Variants in RAMP3 observed in about 807,000 individuals in gnomAD.
The protein encoded by RAMP3 is receptor activity modifying protein 3.
Under a neutral mutation model 13.5 loss-of-function variants are expected in RAMP3, and 14 were observed. That is an observed-to-expected ratio of 1.04 (90% CI 0.69 to 1.63). RAMP3 has a LOEUF of 1.63. Ranked by LOEUF, RAMP3 falls within the 40% of genes most tolerant of loss-of-function variation. The pLI is 0.00. For missense variants in RAMP3, 200 were observed against 204.8 expected (o/e 0.98, Z 0.14); for synonymous variants, 106 against 88.3 (o/e 1.20, Z -1.12).
intron 1 of RAMP3, among the ~76,000 whole-genome samples, chr7:45,176,442 T>TGC (rs35652632): frequency 0.057 from 8,547 of 150,092 alleles, 320 homozygotes; most frequent in East Asian, 0.1. Context: ...GGGCTGTGCG[T>TGC]GCACACACAC....
intron 2 of RAMP3, among the ~76,000 whole-genome samples, chr7:45,181,536 T>G (rs1200517745): frequency 6.6e-6 from 1 of 152,188 alleles, no homozygotes; most frequent in East Asian, 1.9e-4. Context: ...GGAATGACTT[T>G]GGAGGCACAG....
rs1427810664 is a variant in RAMP3 at position 45,177,215 on chromosome 7, A to C, written c.59-94A>C. ...TCAGGCTTGCAAACGGAGCCTTGCT[A>C]GTGAGTACTCAAGTTATGGCCCCTT... On this transcript the variant is annotated intron_variant, in intron 1 of 2. Transcript: ENST00000242249. 8.6e-6 allele frequency: 13 copies of C among 1,510,776 alleles called. No individual in the cohort carries two copies. In the East Asian group the frequency reaches 2.7e-4, roughly 32 times the overall value. The allele number at this position is 1,510,776 out of a possible 1,614,324, so 93.6% of individuals were successfully genotyped here. A position where few individuals can be genotyped will look rare whatever the true frequency, so the allele number is the denominator to read the frequency against.
intron 1 of RAMP3, among the ~76,000 whole-genome samples, chr7:45,160,301 C>T (rs3779394): frequency 1.7e-5 from 2 of 119,402 alleles, no homozygotes; most frequent in East Asian, 2.4e-4. Flanking sequence ...TATTGCACTC[C>T]AGCCTGGTGA....
At chr7:45,163,357 A>G in intron 1 of RAMP3, 1 of 985,428 alleles carries the variant, frequency 1.0e-6, no homozygotes, top group Non-Finnish European at 1.2e-6. Context: ...GTCTCTTATT[A>G]CTTTTTGGTT....
chr7:45,170,584 G>T (rs1437251792), intron 1 of RAMP3, among the ~76,000 whole-genome samples: 2 of 151,850 alleles, frequency 1.3e-5, no homozygotes, highest in African/African-American at 2.4e-5. Flanking sequence ...TGATCTGCTC[G>T]CCTCGGCCTT....
chr7:45,174,213 C>G (rs1031375292), intron 1 of RAMP3, among the ~76,000 whole-genome samples: 1 of 152,126 alleles, frequency 6.6e-6, no homozygotes, highest in African/African-American at 2.4e-5. Flanking sequence ...GACACTTAAC[C>G]TTTCTGGGCA....
At chr7:45,158,654 G>T (rs369388003) in intron 1 of RAMP3, among the ~76,000 whole-genome samples, 8 of 141,578 alleles carry the variant, frequency 5.7e-5, no homozygotes, top group African/African-American at 2.3e-4. Flanking sequence ...TGGTGACTGA[G>T]CCTGGCCAGT....
chr7:45,163,467 G>A (rs1489067076), intron 1 of RAMP3: 3 of 985,296 alleles, frequency 3.0e-6, no homozygotes, highest in Admixed American at 6.1e-5. Flanking sequence ...CCAGGAAGGA[G>A]GCTGTGGTAA....
At chr7:45,182,396 C>T (rs1193768570) in intron 2 of RAMP3, among the ~76,000 whole-genome samples, 1 of 152,126 alleles carries the variant, frequency 6.6e-6, no homozygotes, top group African/African-American at 2.4e-5. Context: ...CCCATTGGAA[C>T]AGGTGGTGGC....
chr7:45,168,587 A>G (rs1010465559), intron 1 of RAMP3, among the ~76,000 whole-genome samples: 1 of 151,650 alleles, frequency 6.6e-6, no homozygotes, highest in Non-Finnish European at 1.5e-5. Context: ...CAGAAATACA[A>G]CTTATTTTTT....
chr7:45,164,434 CTGGGG>C (rs1785920431), intron 1 of RAMP3, among the ~76,000 whole-genome samples: 2 of 152,048 alleles, frequency 1.3e-5, no homozygotes, highest in Non-Finnish European at 1.5e-5. Context: ...ACTCAGGAGG[CTGGGG>C]TGGGAGGATT....
chr7:45,177,327 G>A lies in RAMP3; in HGVS notation c.77G>A (p.Gly26Asp), dbSNP rs10272187. Reference sequence around the variant, plus strand: ...TCTCCAGGTGGGTGTCCCAGAGCAGGCGGCTGCAACGAGACAGGCATGTTG... The same window carrying A: ...TCTCCAGGTGGGTGTCCCAGAGCAGACGGCTGCAACGAGACAGGCATGTTG... The part of the protein sequence containing the change: ...LLLCGGCPRA[G>D]GCNETGMLER... Residue 26 changes from glycine (G) to aspartate (D), a missense_variant, in exon 2 of 3, where the codon GGC (glycine) becomes GAC (aspartate). Coordinates refer to ENST00000242249, the MANE Select transcript of RAMP3 (RefSeq NM_005856.3). 8,696 of 1,614,158 alleles carry A rather than the reference G, an allele frequency of 5.4e-3. 386 individuals are homozygous for A. The African/African-American group carries it at 0.099, about 18-fold the overall frequency.
chr7:45,159,000 C>G (rs564170946), intron 1 of RAMP3, among the ~76,000 whole-genome samples: 8 of 149,544 alleles, frequency 5.3e-5, no homozygotes, highest in Non-Finnish European at 1.0e-4. Context: ...AGATCTTGGT[C>G]GCTATAGTGG....
chr7:45,177,185 C>T lies in RAMP3; in HGVS notation c.59-124C>T, dbSNP rs116781492. Reference sequence around the variant, plus strand: ...TGGAGGGTGAAGGACTCCGCTGGAACGGTCTCAGGCTTGCAAACGGAGCCT... The same window carrying T: ...TGGAGGGTGAAGGACTCCGCTGGAATGGTCTCAGGCTTGCAAACGGAGCCT... On this transcript the variant is annotated intron_variant, in intron 1 of 2. Coordinates refer to ENST00000242249, the MANE Select transcript of RAMP3 (RefSeq NM_005856.3). 9.4e-4 allele frequency: 1,198 copies of T among 1,276,562 alleles called. 11 individuals carry two copies. In the African/African-American group the frequency reaches 0.015, roughly 16 times the overall value. 79.1% of individuals were successfully genotyped at this position (1,276,562 alleles called of 1,614,324 possible).
In RAMP3 at chr7:45,183,562, G is replaced by T. The variant is rs1032690883; in HGVS notation, c.*150G>T. 2 of 1,161,754 alleles carry T rather than the reference G, an allele frequency of 1.7e-6. No homozygotes were observed. The highest frequency in any genetic ancestry group is 2.4e-6 in the Non-Finnish European group (2 of 821,636). 72.0% of individuals were successfully genotyped at this position (1,161,754 alleles called of 1,614,324 possible). On this transcript the variant is annotated 3_prime_UTR_variant, in exon 3 of 3. Coordinates refer to ENST00000242249, the MANE Select transcript of RAMP3 (RefSeq NM_005856.3). ...GACCCCTCCCTTCCTGGGCTGACCT[G>T]CTCCCTCGAGGCCAGCCTGCTCCCT...
intron 1 of RAMP3, chr7:45,163,290 G>A (rs1785898305): frequency 4.1e-6 from 4 of 985,442 alleles, no homozygotes; most frequent in South Asian, 9.4e-5. Context: ...GGCTTTCTGG[G>A]TGGGTTCATG....
chr7:45,183,186 A>G lies in RAMP3; in HGVS notation c.221A>G (p.Glu74Gly). Reference protein sequence around the residue: ...VYYESFTNCTEMEANVVGCYW... With the variant: ...VYYESFTNCTGMEANVVGCYW... ...TATGAGAGTTTCACCAACTGCACCG[A>G]GATGGAGGCCAATGTCGTGGGCTGC... The change falls in exon 3 of 3, where the codon GAG (glutamate) becomes GGG (glycine). Residue 74 changes from glutamate to glycine, a missense_variant. Coordinates refer to ENST00000242249, the MANE Select transcript of RAMP3 (RefSeq NM_005856.3). The G allele has an allele frequency of 6.2e-7, 1 of 1,612,916 alleles. No individual in the cohort carries two copies. Among genetic ancestry groups the G allele is most frequent in the Non-Finnish European group, 8.5e-7 (1 of 1,179,972 alleles).
intron 1 of RAMP3, among the ~76,000 whole-genome samples, chr7:45,166,490 C>T (rs1785964210): frequency 6.6e-6 from 1 of 152,136 alleles, no homozygotes; most frequent in Admixed American, 6.5e-5. Flanking sequence ...ATCCTTTGCC[C>T]ATTTTTAATT....
intron 1 of RAMP3, among the ~76,000 whole-genome samples, chr7:45,175,169 G>A (rs976203857): frequency 3.9e-5 from 6 of 152,336 alleles, no homozygotes; most frequent in East Asian, 1.9e-4. Flanking sequence ...TGAGACAAGC[G>A]AACGTGGGGG....
Sources: allele counts gnomAD v4.1 joint callset (sites outside exome capture counted in the v4.1 genomes callset), GRCh38; gene constraint gnomAD v4.1.1; transcripts MANE v1.5; gene names NCBI Gene and HGNC (gene_info 2026-07-23, HGNC 2026-07-21).